ZFYVE1: variants seen among roughly 807,000 people sequenced by gnomAD.
The protein encoded by ZFYVE1 is zinc finger FYVE-type containing 1.
In ZFYVE1, 30 loss-of-function variants were observed where a neutral mutation model predicts 74.4. That is an observed-to-expected ratio of 0.40 (90% confidence interval 0.30 to 0.55). The LOEUF (loss-of-function observed/expected upper bound fraction) is 0.55. ZFYVE1 is among the 20% of genes least tolerant of loss of function. The probability of loss-of-function intolerance (pLI) is 0.42; values close to 1 mark genes in which losing one functional copy is unlikely to be tolerated. For missense variants in ZFYVE1, 703 were observed against 1,011.6 expected, an observed-to-expected ratio of 0.69 and a Z score of 4.14; for synonymous variants, 335 against 385.1, an observed-to-expected ratio of 0.87 and a Z score of 1.52.
intron 8 of ZFYVE1, among the ~76,000 whole-genome samples, chr14:72,976,128 TTTGTCA>T (rs1329764235): frequency 6.6e-6 from 1 of 152,162 alleles, no homozygotes; most frequent in Non-Finnish European, 1.5e-5. Context: ...ACAATAACTC[TTTGTCA>T]TTTTTGTATT....
intron 5 of ZFYVE1, among the ~76,000 whole-genome samples, chr14:72,980,152 C>G (rs145322557): frequency 1.2e-4 from 19 of 152,308 alleles, no homozygotes; most frequent in Non-Finnish European, 2.5e-4. Flanking sequence ...CCTTAGTTCT[C>G]CCTTGCCCAG....
At chr14:72,976,450 CAG>C (rs1893171812) in intron 8 of ZFYVE1, among the ~76,000 whole-genome samples, 2 of 152,040 alleles carry the variant, frequency 1.3e-5, no homozygotes, top group Admixed American at 1.3e-4. Context: ...TATATAATAA[CAG>C]ATTTCAGTGG....
chr14:73,020,994 A>G (rs1894307276), intron 2 of ZFYVE1, among the ~76,000 whole-genome samples: 1 of 151,988 alleles, frequency 6.6e-6, no homozygotes, highest in Non-Finnish European at 1.5e-5. Context: ...TGGGCCTCCC[A>G]AAGTGCTGGG....
At chr14:73,019,387 G>A (rs1894268059) in intron 2 of ZFYVE1, among the ~76,000 whole-genome samples, 1 of 150,362 alleles carries the variant, frequency 6.7e-6, no homozygotes, top group African/African-American at 2.5e-5. Flanking sequence ...TTCAACGCCA[G>A]CCTGGGCAAC....
chr14:73,021,171 C>A (rs1345533887), intron 2 of ZFYVE1, among the ~76,000 whole-genome samples: 2 of 152,000 alleles, frequency 1.3e-5, no homozygotes, highest in Admixed American at 1.3e-4. Flanking sequence ...ATAGAGAAAC[C>A]CCATCTCTAC....
chr14:73,009,804 C>T (rs909705726), intron 2 of ZFYVE1, among the ~76,000 whole-genome samples: 2 of 151,948 alleles, frequency 1.3e-5, no homozygotes, highest in African/African-American at 4.8e-5. Flanking sequence ...CCAATAAATG[C>T]TTCATTAAGG....
At chr14:72,992,553 G>C (rs1301300474) in intron 4 of ZFYVE1, among the ~76,000 whole-genome samples, 15 of 148,386 alleles carry the variant, frequency 1.0e-4, no homozygotes, top group Non-Finnish European at 2.2e-4. Context: ...GTGTTATTGT[G>C]TATCTATTTT....
At chr14:72,990,689 CTT>C (rs369030778) in intron 4 of ZFYVE1, among the ~76,000 whole-genome samples, 817 of 66,554 alleles carry the variant, frequency 0.012, 7 homozygotes, top group Non-Finnish European at 0.018. Context: ...CGCACCTGGC[CTT>C]TTTTTTTTTT....
intron 8 of ZFYVE1, among the ~76,000 whole-genome samples, chr14:72,976,120 A>G (rs993588344): frequency 6.6e-6 from 1 of 152,178 alleles, no homozygotes; most frequent in African/African-American, 2.4e-5. Context: ...ACTCCCTGAC[A>G]ATAACTCTTT....
chr14:73,006,444 A>C (rs1239349646), intron 2 of ZFYVE1, among the ~76,000 whole-genome samples: 2 of 150,960 alleles, frequency 1.3e-5, no homozygotes, highest in Non-Finnish European at 2.9e-5. Context: ...GTGTGGTGGC[A>C]CATGCCTGTA....
intron 2 of ZFYVE1, among the ~76,000 whole-genome samples, chr14:73,011,526 ATTTTT>A (rs1189859040): frequency 6.6e-6 from 1 of 151,232 alleles, no homozygotes; most frequent in African/African-American, 2.4e-5. Flanking sequence ...ATTTTATTTT[ATTTTT>A]ATTTTTGAGA....
chr14:73,017,218 G>T (rs1894220497), intron 2 of ZFYVE1, among the ~76,000 whole-genome samples: 2 of 152,206 alleles, frequency 1.3e-5, no homozygotes, highest in Admixed American at 1.3e-4. Flanking sequence ...TGTCCTGTTA[G>T]ACTAAACCTT....
At chr14:73,021,883 A>T (rs4899453) in intron 2 of ZFYVE1, among the ~76,000 whole-genome samples, 27 of 151,974 alleles carry the variant, frequency 1.8e-4, no homozygotes, top group Non-Finnish European at 1.3e-4. Flanking sequence ...TAAGGAACAC[A>T]TATCAATGCT....
intron 4 of ZFYVE1, among the ~76,000 whole-genome samples, chr14:72,986,086 A>G (rs1420427296): frequency 2.6e-5 from 4 of 152,242 alleles, no homozygotes; most frequent in Non-Finnish European, 4.4e-5. Flanking sequence ...GATCCAATAC[A>G]GCGTAAGGTT....
intron 5 of ZFYVE1, 145 bp downstream of exon 5, chr14:72,981,644 T>A (rs1893332670): frequency 1.4e-6 from 1 of 718,220 alleles, no homozygotes; most frequent in Non-Finnish European, 2.3e-6. Context: ...AACATGGGAG[T>A]GTACCATTTT....
rs1480842882 is a variant in ZFYVE1 at position 72,969,742 on chromosome 14, A to G, written c.*1140T>C. 5.7e-6 allele frequency: 4 copies of G among 702,092 alleles called. No homozygotes were observed. Among genetic ancestry groups the G allele is most frequent in the African/African-American group, 5.3e-5 (3 of 56,700 alleles). 43.5% of individuals were successfully genotyped at this position (702,092 alleles called of 1,614,324 possible). On this transcript the variant is annotated 3_prime_UTR_variant, in exon 12 of 12. Transcript: ENST00000556143. ...AACGGGCCCTTTCCAGTCATGACAG[A>G]CAGAGATGTCCAGGCTCTTGAGGAG... is the stretch of plus-strand genomic sequence containing the variant.
At position 72,981,794 on chromosome 14, in the gene ZFYVE1, G is replaced by A; in HGVS notation, c.1305C>T (p.Ser435=). The change falls in exon 5 of 12, where the codon AGC becomes AGT. Residue 435 remains serine, a synonymous_variant. Transcript: ENST00000556143. ...EYFTCSSLCL[S]CGVGCKKSMN... is the part of the protein sequence containing the mutation. ...GGGGGAGCGGCCTTACTTACCCACA[G>A]CTGAGGCACAAGGAGGAGCAGGTGA... 1 of 1,614,088 alleles carries A rather than the reference G, an allele frequency of 6.2e-7. No individual in the cohort carries two copies. The highest frequency in any genetic ancestry group is 8.5e-7 in the Non-Finnish European group (1 of 1,180,006).
intron 2 of ZFYVE1, among the ~76,000 whole-genome samples, chr14:73,021,389 A>ATAAC (rs1555535503): frequency 1.2e-4 from 18 of 147,360 alleles, no homozygotes; most frequent in African/African-American, 3.5e-4. Flanking sequence ...AAATAAATAA[A>ATAAC]TAACTGAAGT....
chr14:72,979,211 A>G (rs1391102894), intron 5 of ZFYVE1: 8 of 444,466 alleles, frequency 1.8e-5, no homozygotes, highest in Non-Finnish European at 3.3e-5. Context: ...GGGGAAAAAG[A>G]AATCTCAGCC....
Sources: gnomAD v4.1 joint callset for allele counts (sites outside exome capture counted in the v4.1 genomes callset) on GRCh38, gnomAD v4.1.1 for gene constraint, MANE v1.5 for transcripts, NCBI Gene and HGNC (gene_info 2026-07-23, HGNC 2026-07-21) for gene names.